FGF7: variants seen among roughly 807,000 people sequenced by gnomAD.
FGF7 encodes the protein FGF-7.
In FGF7, 6 loss-of-function variants were observed where a neutral mutation model predicts 20.5. That is an observed-to-expected ratio of 0.29 (90% confidence interval 0.16 to 0.58). The LOEUF (loss-of-function observed/expected upper bound fraction) is 0.58, where lower values mean the gene tolerates loss of function less well. Ranked by LOEUF, FGF7 falls within the 20% of genes least tolerant of loss-of-function variation. The pLI, the probability that FGF7 is intolerant of heterozygous loss-of-function variation, is 0.90. For missense variants in FGF7, 144 were observed against 228.8 expected (o/e 0.63, Z 2.39); for synonymous variants, 64 against 74.7 (o/e 0.86, Z 0.74).
At position 49,484,321 on chromosome 15, in the gene FGF7, T is replaced by C. The variant is rs1567369575; in HGVS notation, c.402T>C (p.Asn134=). The change falls in exon 4 of 4, where the codon AAT becomes AAC. Residue 134 remains asparagine (N), a synonymous_variant. Coordinates refer to ENST00000267843, the MANE Select transcript of FGF7 (RefSeq NM_002009.4). ...EGKLYAKKEC[N]EDCNFKELIL... Reference sequence around the variant, plus strand: ...GTTTGTTTTAACAGAAAGAATGCAATGAAGATTGTAACTTCAAAGAACTAA... The same window carrying C: ...GTTTGTTTTAACAGAAAGAATGCAACGAAGATTGTAACTTCAAAGAACTAA... 1 of 1,588,430 alleles carries C rather than the reference T, an allele frequency of 6.3e-7. No homozygotes were observed. The highest frequency in any genetic ancestry group is 8.5e-7 in the Non-Finnish European group (1 of 1,175,104).
chr15:49,481,150 A>T (rs985311202), intron 2 of FGF7, among the ~76,000 whole-genome samples: 21 of 152,218 alleles, frequency 1.4e-4, no homozygotes, highest in Admixed American at 7.2e-4. Flanking sequence ...GATATTTTAC[A>T]ATGCTAAGAT....
At chr15:49,441,794 AGAAAATGTATTATCTCATT>A (rs2051674848) in intron 2 of FGF7, among the ~76,000 whole-genome samples, 1 of 151,514 alleles carries the variant, frequency 6.6e-6, no homozygotes, top group South Asian at 2.1e-4. Context: ...AAGTTTTTAA[AGAAAATGTATTATCTCATT>A]GAATTCCTAT....
Position 49,483,307 on chromosome 15 carries a change from A to T in FGF7, c.390+53A>T, listed in dbSNP as rs2152022358. 6 of 871,136 alleles carry T rather than the reference A, an allele frequency of 6.9e-6. No individual in the cohort carries two copies. The South Asian group carries it at 8.3e-5, about 12-fold the overall frequency. The allele number at this position is 871,136 out of a possible 1,614,324, so 54.0% of individuals were successfully genotyped here. A position where few individuals can be genotyped will look rare whatever the true frequency, so the allele number is the denominator to read the frequency against. Reference sequence around the variant, plus strand: ...ATTTTTAAAACTCATTTTTGTCAAAATATCTCACCTTTCTGAAAAGTAAAA... The same window carrying T: ...ATTTTTAAAACTCATTTTTGTCAAATTATCTCACCTTTCTGAAAAGTAAAA... On this transcript the variant is annotated intron_variant, in intron 3 of 3. Transcript: ENST00000267843.
At chr15:49,476,212 G>GTTTTTTTTTTTTTTTTTTTTT (rs1567351529) in intron 2 of FGF7, among the ~76,000 whole-genome samples, 1 of 81,256 alleles carries the variant, frequency 1.2e-5, no homozygotes. Flanking sequence ...TTATTTTGCT[G>GTTTTTTTTTTTTTTTTTTTTT]TTTTGTTTTT....
intron 2 of FGF7, among the ~76,000 whole-genome samples, chr15:49,446,609 G>A (rs1337655703): frequency 6.6e-6 from 1 of 151,326 alleles, no homozygotes; most frequent in Non-Finnish European, 1.5e-5. Context: ...TTTTAAAGAA[G>A]AGAACAAAAT....
intron 2 of FGF7, among the ~76,000 whole-genome samples, chr15:49,471,439 C>A (rs1392500594): frequency 6.6e-6 from 1 of 150,430 alleles, no homozygotes; most frequent in Non-Finnish European, 1.5e-5. Context: ...ACCTAGATGG[C>A]GCCACTGCAC....
chr15:49,443,797 T>C (rs2051906337), intron 2 of FGF7, among the ~76,000 whole-genome samples: 1 of 151,692 alleles, frequency 6.6e-6, no homozygotes, highest in Non-Finnish European at 1.5e-5. Context: ...AAAACAGAAA[T>C]AGTGAAAGCA....
intron 2 of FGF7, among the ~76,000 whole-genome samples, chr15:49,448,600 TC>T (rs1215282312): frequency 6.6e-6 from 1 of 151,722 alleles, no homozygotes; most frequent in African/African-American, 2.4e-5. Context: ...GTTATTCTCT[TC>T]ACTTTTTTTC....
Position 49,424,159 on chromosome 15 carries a change from A to G in FGF7, c.-139A>G, listed in dbSNP as rs2049924201. The G allele has an allele frequency of 2.8e-6, 2 of 715,958 alleles. No homozygotes were observed. Among genetic ancestry groups the G allele is most frequent in the African/African-American group, 3.5e-5 (2 of 56,664 alleles). The allele number at this position is 715,958 out of a possible 1,614,324, so 44.4% of individuals were successfully genotyped here. ...CAGGAACTAAAAGGATAAGGCTAAC[A>G]ATTTGGAAAGAGCAACTACTCTTTC... On this transcript the variant is annotated 5_prime_UTR_variant, in exon 2 of 4. Coordinates refer to ENST00000267843, the MANE Select transcript of FGF7 (RefSeq NM_002009.4).
chr15:49,438,426 A>C (rs2051306988), intron 2 of FGF7, among the ~76,000 whole-genome samples: 1 of 151,736 alleles, frequency 6.6e-6, no homozygotes, highest in East Asian at 1.9e-4. Flanking sequence ...CCAGTCTTTG[A>C]TACAGGGATT....
At chr15:49,470,149 A>C (rs1416354485) in intron 2 of FGF7, among the ~76,000 whole-genome samples, 1 of 152,172 alleles carries the variant, frequency 6.6e-6, no homozygotes, top group Non-Finnish European at 1.5e-5. Flanking sequence ...AAAATGATGG[A>C]ATTCTAAAAT....
chr15:49,471,359 T>C (rs1240024350), intron 2 of FGF7, among the ~76,000 whole-genome samples: 1 of 151,820 alleles, frequency 6.6e-6, no homozygotes, highest in Non-Finnish European at 1.5e-5. Flanking sequence ...TGGCACAACC[T>C]GTAATTACAG....
intron 2 of FGF7, among the ~76,000 whole-genome samples, chr15:49,457,967 T>C (rs2053464441): frequency 6.6e-6 from 1 of 151,990 alleles, no homozygotes; most frequent in African/African-American, 2.4e-5. Flanking sequence ...TATCTTTCGT[T>C]AGGCATCACT....
chr15:49,462,401 C>T (rs1597356421), intron 2 of FGF7, among the ~76,000 whole-genome samples: 1 of 152,070 alleles, frequency 6.6e-6, no homozygotes, highest in Non-Finnish European at 1.5e-5. Flanking sequence ...AATGCTTTTT[C>T]CCCTTGTACT....
At chr15:49,448,957 CT>C (rs1024832320) in intron 2 of FGF7, among the ~76,000 whole-genome samples, 2 of 151,512 alleles carry the variant, frequency 1.3e-5, no homozygotes, top group Non-Finnish European at 2.9e-5. Flanking sequence ...TCCTCATGCT[CT>C]TTTTTTTGCA....
rs556543621 is a variant in FGF7 at position 49,435,643 on chromosome 15, T to C, written c.286+11060T>C. ...GGCCAAATTTGGTCTTCAAATTTTC[T>C]CTTAACTGGCTGGAAGATGGCCAGA... On this transcript the variant is annotated intron_variant, in intron 2 of 3. Coordinates refer to ENST00000267843, the MANE Select transcript of FGF7 (RefSeq NM_002009.4). Among the ~76,000 whole-genome samples the C allele has an allele frequency of 7.9e-5, 12 of 151,712 alleles. No individual in the cohort carries two copies. The East Asian group carries it at 1.8e-3, about 22-fold the overall frequency.
chr15:49,465,416 G>A (rs774720123), intron 2 of FGF7, among the ~76,000 whole-genome samples: 2 of 151,842 alleles, frequency 1.3e-5, no homozygotes, highest in African/African-American at 2.4e-5. Flanking sequence ...GATTACAGGC[G>A]TGAGCCACCA....
chr15:49,479,599 GTTTTTTTTTTTTTT>G (rs56097665), intron 2 of FGF7, among the ~76,000 whole-genome samples: 635 of 63,402 alleles, frequency 0.01, 7 homozygotes, highest in Admixed American at 0.015. Flanking sequence ...TAATACCTCT[GTTTTTTTTTTTTTT>G]TTTTTTTTTT....
intron 2 of FGF7, among the ~76,000 whole-genome samples, chr15:49,447,488 G>A (rs2052332769): frequency 6.6e-6 from 1 of 151,620 alleles, no homozygotes; most frequent in Non-Finnish European, 1.5e-5. Flanking sequence ...AATCATGCTA[G>A]AATAAGAGAT....
Sources: allele counts gnomAD v4.1 joint callset (sites outside exome capture counted in the v4.1 genomes callset), GRCh38; gene constraint gnomAD v4.1.1; transcripts MANE v1.5; gene names NCBI Gene and HGNC (gene_info 2026-07-23, HGNC 2026-07-21).